The following PSME4 variants were observed in gnomAD, a reference collection of about 807,000 sequenced individuals.
PSME4 encodes proteasome activator complex subunit 4.
In PSME4, 89 loss-of-function variants were observed where a neutral mutation model predicts 253.9. The ratio of observed to expected loss-of-function variants is 0.35; its 90% CI spans 0.30 to 0.42. The LOEUF (loss-of-function observed/expected upper bound fraction) is 0.42, where lower values mean the gene tolerates loss of function less well. PSME4 is among the 10% of genes least tolerant of loss of function. The pLI, the probability that PSME4 is intolerant of heterozygous loss-of-function variation, is 1.00. For missense variants in PSME4, 2,014 were observed against 2,195.2 expected (o/e 0.92, Z 1.65); for synonymous variants, 851 against 759.2 (o/e 1.12, Z -1.99).
intron 9 of PSME4, 101 bp from the exon 10 acceptor site, chr2:53,932,201 A>C (rs901529550): frequency 4.6e-6 from 5 of 1,090,860 alleles, no homozygotes; most frequent in Non-Finnish European, 6.6e-6. Context: ...TAAAAATAAC[A>C]GTTCTTATTA....
chr2:53,963,025 A>G lies in PSME4; in HGVS notation c.242+7518T>C, dbSNP rs554472483. Reference sequence around the variant, plus strand: ...ACTCAGTGTCAAAAAAAAAAAAAAAAGGACACATACCATATGCAGTGGCTC... The same window carrying G: ...ACTCAGTGTCAAAAAAAAAAAAAAAGGGACACATACCATATGCAGTGGCTC... On this transcript the variant is annotated intron_variant, in intron 1 of 46. Coordinates refer to ENST00000404125, the MANE Select transcript of PSME4 (RefSeq NM_014614.3). 6.5e-3 allele frequency among the ~76,000 whole-genome samples: 983 copies of G among 151,358 alleles called. 8 individuals are homozygous for G. Among genetic ancestry groups the G allele is most frequent in the African/African-American group, 0.023 (941 of 41,216 alleles).
chr2:53,937,062 G>C (rs1308742987), intron 5 of PSME4, among the ~76,000 whole-genome samples: 1 of 152,052 alleles, frequency 6.6e-6, no homozygotes, highest in Non-Finnish European at 1.5e-5. Context: ...TCATTACTAA[G>C]TACTGTCCAT....
At chr2:53,961,043 G>C (rs922089145) in intron 1 of PSME4, among the ~76,000 whole-genome samples, 1 of 152,140 alleles carries the variant, frequency 6.6e-6, no homozygotes, top group Non-Finnish European at 1.5e-5. Context: ...GGAGGCAGAG[G>C]TTGCAGTGAG....
chr2:53,919,029 G>A (rs1668183569), intron 20 of PSME4, 122 bp downstream of exon 20: 2 of 961,036 alleles, frequency 2.1e-6, no homozygotes, highest in Admixed American at 3.1e-5. Context: ...GACCTTAACA[G>A]TGACAAATAA....
chr2:53,956,317 T>C (rs1245077050), intron 1 of PSME4, among the ~76,000 whole-genome samples: 1 of 151,578 alleles, frequency 6.6e-6, no homozygotes, highest in Non-Finnish European at 1.5e-5. Context: ...TCACCTGAGG[T>C]CAGGAGTTTG....
intron 1 of PSME4, among the ~76,000 whole-genome samples, chr2:53,956,443 T>A (rs1379842019): frequency 6.6e-6 from 1 of 151,458 alleles, no homozygotes; most frequent in Non-Finnish European, 1.5e-5. Context: ...GGCAGGAGAA[T>A]CGCTTGAACC....
rs767235796 is a variant in PSME4, at chr2:53,937,398, C to T, written c.688G>A (p.Gly230Ser). Residue 230 changes from glycine (G) to serine (S), a missense_variant, in exon 5 of 47, where the codon GGT becomes AGT. Transcript: ENST00000404125. ...TSLPPELHHK[G>S]FKLWFDELIG... ...AGATATGAACATACTTACTTAAAAC[C>T]TTTATGATGAAGTTCTGGAGGAAGG... 58 of 1,594,286 alleles carry T rather than the reference C, an allele frequency of 3.6e-5. No homozygotes were observed. Among genetic ancestry groups the T allele is most frequent in the Non-Finnish European group, 4.8e-5 (56 of 1,170,338 alleles).
chr2:53,888,756 T>A lies in PSME4; in HGVS notation c.4353A>T (p.Pro1451=). ...CAAAGGATCCTCCTTCACCACTCAA[T>A]GGTGATTCCAACAGCAGTTCAAAAA... The part of the protein sequence containing the change: ...HWLFELLLES[P]LSGEGGSFVD... The change falls in exon 38 of 47, where the codon CCA becomes CCT. Residue 1451 remains proline (P), a synonymous_variant. Coordinates refer to ENST00000404125, the MANE Select transcript of PSME4 (RefSeq NM_014614.3). 1.9e-6 allele frequency: 3 copies of A among 1,613,048 alleles called. No homozygotes were observed. The highest frequency in any genetic ancestry group is 2.5e-6 in the Non-Finnish European group (3 of 1,179,194).
intron 15 of PSME4, 85 bp from the exon 16 acceptor site, chr2:53,923,203 A>T (rs533281747): frequency 1.4e-6 from 2 of 1,473,940 alleles, no homozygotes; most frequent in African/African-American, 1.4e-5. Flanking sequence ...AAAGGCTGTA[A>T]ATAAGCAGCT....
At chr2:53,874,859 C>T (rs868411023) in intron 42 of PSME4, among the ~76,000 whole-genome samples, 1 of 152,252 alleles carries the variant, frequency 6.6e-6, no homozygotes, top group Middle Eastern at 3.4e-3. Flanking sequence ...ACAAGAGAAT[C>T]GCATGAACCT....
intron 1 of PSME4, among the ~76,000 whole-genome samples, chr2:53,964,673 C>A (rs1374541810): frequency 1.3e-5 from 2 of 152,192 alleles, no homozygotes; most frequent in Non-Finnish European, 2.9e-5. Context: ...CCAGACAATG[C>A]AGATTCAGCA....
At chr2:53,919,373 C>T (rs973426001) in intron 19 of PSME4, 127 bp from the exon 20 acceptor site, 3 of 1,262,870 alleles carry the variant, frequency 2.4e-6, no homozygotes, top group Admixed American at 3.6e-5. Flanking sequence ...CAAATGTCTT[C>T]AGTTTACCAA....
chr2:53,895,888 G>A (rs1003187870), intron 32 of PSME4, 152 bp from the exon 33 acceptor site: 1 of 656,564 alleles, frequency 1.5e-6, no homozygotes, highest in African/African-American at 1.9e-5. Flanking sequence ...GCAATTGGAG[G>A]CACATTTCAA....
rs1225149379 is a variant in PSME4 at position 53,874,414 on chromosome 2, A to C, written c.5025T>G (p.Ile1675Met). 6.2e-7 allele frequency: 1 copy of C among 1,613,950 alleles called. No homozygotes were observed. Among genetic ancestry groups the C allele is most frequent in the Admixed American group, 1.7e-5 (1 of 60,004 alleles). Residue 1675 changes from isoleucine (I) to methionine (M), a missense_variant, in exon 43 of 47, where the codon ATT becomes ATG. Ile to Met is a conservative substitution (Grantham distance 10). Coordinates refer to ENST00000404125, the MANE Select transcript of PSME4 (RefSeq NM_014614.3). Reference protein sequence around the residue: ...LQTMVFYNLFIFLNNEDAVKD... With the variant: ...LQTMVFYNLFMFLNNEDAVKD... ...TAACTGCATCTTCATTGTTTAGGAA[A>C]ATAAAGAGGTTATAAAATACCATGG...
chr2:53,892,852 T>C lies in PSME4; in HGVS notation c.4147A>G (p.Ile1383Val), dbSNP rs1455016526. The change falls in exon 36 of 47, where the codon ATA (isoleucine) becomes GTA (valine). Residue 1383 changes from isoleucine (I) to valine (V), a missense_variant. Ile to Val is a conservative substitution (Grantham distance 29). This residue lies in a region of PSME4 where 403 missense variants were observed against 556.1 expected (regional missense o/e 0.72). Coordinates refer to ENST00000404125, the MANE Select transcript of PSME4 (RefSeq NM_014614.3). Reference sequence around the variant, plus strand: ...TTAGAACCTCTGATTAAACCAGCTATAATTTCTGCAACACATCGCTGGGTG... The same window carrying C: ...TTAGAACCTCTGATTAAACCAGCTACAATTTCTGCAACACATCGCTGGGTG... ...ESTQRCVAEI[I>V]AGLIRGSKHW... 5 of 1,613,754 alleles carry C rather than the reference T, an allele frequency of 3.1e-6. No individual in the cohort carries two copies. Among genetic ancestry groups the C allele is most frequent in the Non-Finnish European group, 4.2e-6 (5 of 1,179,866 alleles).
At chr2:53,871,313 C>T (rs544371375) in intron 43 of PSME4, among the ~76,000 whole-genome samples, 76 of 152,020 alleles carry the variant, frequency 5.0e-4, no homozygotes, top group African/African-American at 5.3e-4. Flanking sequence ...TGCAGTGGCA[C>T]GATCTTGGCT....
At chr2:53,970,119 C>A (rs975148293) in intron 1 of PSME4, among the ~76,000 whole-genome samples, 1 of 152,128 alleles carries the variant, frequency 6.6e-6, no homozygotes, top group Non-Finnish European at 1.5e-5. Flanking sequence ...AAGGAAGAAC[C>A]GGAGGAAGCA....
In PSME4 at chr2:53,949,218, T is replaced by C. The variant is rs754523949; in HGVS notation, c.308A>G (p.Tyr103Cys). The part of the protein sequence containing the change: ...EDHVLFIKLL[Y>C]ELVSIPKLEI... ...CAGTTTTGGAATTGATACCAGCTCA[T>C]ACAATAACTTAATAAAAAGAACATG... Residue 103 changes from tyrosine (Y) to cysteine (C), a missense_variant, in exon 2 of 47, where the codon TAT becomes TGT. Coordinates refer to ENST00000404125, the MANE Select transcript of PSME4 (RefSeq NM_014614.3). 6.2e-7 allele frequency: 1 copy of C among 1,611,606 alleles called. No individual in the cohort carries two copies. The highest frequency in any genetic ancestry group is 8.5e-7 in the Non-Finnish European group (1 of 1,178,830).
chr2:53,940,755 T>C (rs967727807), intron 3 of PSME4, among the ~76,000 whole-genome samples: 1 of 150,102 alleles, frequency 6.7e-6, no homozygotes, highest in Non-Finnish European at 1.5e-5. Context: ...AATGGAGCAC[T>C]AGATAATTTT....
Sources: allele counts gnomAD v4.1 joint callset (sites outside exome capture counted in the v4.1 genomes callset), GRCh38; gene constraint gnomAD v4.1.1; regional missense constraint gnomAD v4.1.1; transcripts MANE v1.5; gene names NCBI Gene and HGNC (gene_info 2026-07-23, HGNC 2026-07-21).